The following ZNF502 variants were observed in gnomAD, a reference collection of about 807,000 sequenced individuals.
ZNF502 encodes zinc finger protein 502.
ZNF502 carries 29 observed loss-of-function variants against 43.6 expected under a neutral mutation model. The observed-to-expected ratio is 0.67, with a 90% CI of 0.50 to 0.91. The LOEUF is 0.91. Ranked by LOEUF, ZNF502 falls within the 40% of genes least tolerant of loss-of-function variation. The pLI is 0.00. For synonymous variants in ZNF502, 171 were observed against 207.4 expected (o/e 0.82, Z 1.51); for missense variants, 591 against 647.2 (o/e 0.91, Z 0.94).
chr3:44,720,552 A>C (rs1388769260), intron 2 of ZNF502, among the ~76,000 whole-genome samples: 2 of 152,150 alleles, frequency 1.3e-5, no homozygotes, highest in African/African-American at 4.8e-5. Flanking sequence ...TCTGGATACA[A>C]ACCATTCATG....
rs147202860 is a variant in ZNF502 at position 44,722,330 on chromosome 3, C to T, written c.1513C>T (p.His505Tyr). ...TGAGAAAACCTTCCGCAAGTATGCA[C>T]ACCTTAGTGAACATTACAGAATTCA... ...ECEKTFRKYA[H>Y]LSEHYRIHTG... The change falls in exon 3 of 3, where the codon CAC becomes TAC. Residue 505 changes from histidine to tyrosine, a missense_variant. Coordinates refer to ENST00000436624, the MANE Select transcript of ZNF502 (RefSeq NM_001134442.3). The T allele has an allele frequency of 7.1e-4, 1,144 of 1,614,140 alleles. 1 individual carries two copies. The highest frequency in any genetic ancestry group is 1.3e-3 in the Admixed American group (76 of 60,014).
chr3:44,721,730 C>T lies in ZNF502; in HGVS notation c.913C>T (p.Arg305Ter), dbSNP rs561539227. 1.4e-5 allele frequency: 22 copies of T among 1,611,540 alleles called. No individual in the cohort carries two copies. Among genetic ancestry groups the T allele is most frequent in the South Asian group, 2.2e-5 (2 of 90,920 alleles). ...ATGCAGTGAATGTGGCTCTTCTTTT[C>T]GAAAACACTCAAATCTTACGCAACA... is the stretch of plus-strand genomic sequence containing the variant. ...YICSECGSSF[R>*]KHSNLTQHQR... The change falls in exon 3 of 3, where the codon CGA becomes TGA. Residue 305 changes from arginine (R) to a stop codon, truncating the protein, a stop_gained. Coordinates refer to ENST00000436624, the MANE Select transcript of ZNF502 (RefSeq NM_001134442.3). LOFTEE classifies it high-confidence loss of function.
In ZNF502 at chr3:44,723,489, G is replaced by A. The variant is rs541702533; in HGVS notation, c.*1037G>A. On this transcript the variant is annotated 3_prime_UTR_variant, in exon 3 of 3. Coordinates refer to ENST00000436624, the MANE Select transcript of ZNF502 (RefSeq NM_001134442.3). ...TTAGGAGAAAGCATTAGTAATGAAA[G>A]AAGAAAGAATTTTCACTTGGTTGGA... is the stretch of plus-strand genomic sequence containing the variant. The A allele has an allele frequency of 2.8e-5, 4 of 140,404 alleles. No individual in the cohort carries two copies. The South Asian group carries it at 9.7e-4, about 34-fold the overall frequency. The allele number at this position is 140,404 out of a possible 1,614,324, so 8.7% of individuals were successfully genotyped here.
chr3:44,718,714 G>T (rs941749644), intron 1 of ZNF502, among the ~76,000 whole-genome samples: 11 of 152,086 alleles, frequency 7.2e-5, no homozygotes, highest in Admixed American at 6.5e-4. Context: ...TTTACATTCT[G>T]TAGCACCCCA....
intron 1 of ZNF502, chr3:44,714,626 T>C (rs1704099264): frequency 6.6e-6 from 1 of 152,240 alleles, no homozygotes; most frequent in Admixed American, 6.5e-5. Context: ...GACAAACTGC[T>C]GACAGCTCAG....
chr3:44,714,347 A>G (rs1341785875), intron 1 of ZNF502, among the ~76,000 whole-genome samples: 1 of 152,240 alleles, frequency 6.6e-6, no homozygotes, highest in Non-Finnish European at 1.5e-5. Context: ...AGGCATTTGT[A>G]GAAGCACCTG....
intron 2 of ZNF502, among the ~76,000 whole-genome samples, chr3:44,720,530 C>T (rs1704285837): frequency 6.6e-6 from 1 of 152,174 alleles, no homozygotes; most frequent in Non-Finnish European, 1.5e-5. Flanking sequence ...TTTACATTCT[C>T]CCACTCTCCA....
chr3:44,713,736 A>C (rs999457624), intron 1 of ZNF502, among the ~76,000 whole-genome samples: 2 of 152,006 alleles, frequency 1.3e-5, no homozygotes, highest in African/African-American at 2.4e-5. Flanking sequence ...ATGCGCCACC[A>C]CACCTGGCTA....
rs1206937075 is a variant in ZNF502 at position 44,712,678 on chromosome 3, C to T, written c.-122C>T. 5 of 152,326 alleles carry T rather than the reference C, an allele frequency of 3.3e-5. No homozygotes were observed. Among genetic ancestry groups the T allele is most frequent in the Non-Finnish European group, 7.3e-5 (5 of 68,120 alleles). The allele number at this position is 152,326 out of a possible 1,614,324, so 9.4% of individuals were successfully genotyped here. On this transcript the variant is annotated 5_prime_UTR_variant, in exon 1 of 3. Coordinates refer to ENST00000436624, the MANE Select transcript of ZNF502 (RefSeq NM_001134442.3). ...CGGTTTCAGAAGTTAAGGCTGGTGT[C>T]CTGGCCCCAGTCCACCTCTGGGAGC...
At chr3:44,720,147 G>A in intron 1 of ZNF502, 56 bp from the exon 2 acceptor site, 1 of 1,116,632 alleles carries the variant, frequency 9.0e-7, no homozygotes, top group Admixed American at 1.7e-5. Context: ...TTTTCGTTCT[G>A]TTTACTGGGA....
rs779447567 is a variant in ZNF502, at chr3:44,721,239, ACCAAAGTAAATGT to A, written c.427_439del (p.Ser143LeufsTer62). Reference sequence around the variant, plus strand: ...AATATACAAACCAATGATATTTCAGACCAAAGTAAATGTCCAACTCTCTGCACACAGAAAAAAT... The same window carrying A: ...AATATACAAACCAATGATATTTCAGACCAACTCTCTGCACACAGAAAAAAT... On this transcript the variant is annotated frameshift_variant, in exon 3 of 3. Coordinates refer to ENST00000436624, the MANE Select transcript of ZNF502 (RefSeq NM_001134442.3). LOFTEE classifies it high-confidence loss of function. 6.2e-7 allele frequency: 1 copy of A among 1,614,170 alleles called. No individual in the cohort carries two copies. The highest frequency in any genetic ancestry group is 1.3e-5 in the African/African-American group (1 of 75,060).
Position 44,720,253 on chromosome 3 carries a change from G to T in ZNF502, c.-9G>T. The T allele has an allele frequency of 6.2e-7, 1 of 1,614,064 alleles. No homozygotes were observed. The highest frequency in any genetic ancestry group is 8.5e-7 in the Non-Finnish European group (1 of 1,179,978). On this transcript the variant is annotated 5_prime_UTR_variant, in exon 2 of 3. Coordinates refer to ENST00000436624, the MANE Select transcript of ZNF502 (RefSeq NM_001134442.3). ...TGTTTTCCAATCAAAGCGAAGAGAC[G>T]ATCTGTGGATGTTGAATATGCAAGG...
rs746858486 is a variant in ZNF502 at position 44,720,290 on chromosome 3, G to A, written c.29G>A (p.Arg10Lys). 1 of 1,614,046 alleles carries A rather than the reference G, an allele frequency of 6.2e-7. No homozygotes were observed. Among genetic ancestry groups the A allele is most frequent in the African/African-American group, 1.3e-5 (1 of 74,922 alleles). The change falls in exon 2 of 3, where the codon AGA (arginine) becomes AAA (lysine). Residue 10 changes from arginine to lysine, a missense_variant. Arg to Lys is a conservative substitution (Grantham distance 26). Coordinates refer to ENST00000436624, the MANE Select transcript of ZNF502 (RefSeq NM_001134442.3). ...TTGAATATGCAAGGAGCTGAAGAGAGAGACATTAGAAGAGAGACTTGTCCA... is the reference window on the plus strand; with the variant it reads ...TTGAATATGCAAGGAGCTGAAGAGAAAGACATTAGAAGAGAGACTTGTCCA... The part of the protein sequence containing the change: MLNMQGAEE[R>K]DIRRETCPGW...
In ZNF502 at chr3:44,721,175, G is replaced by T; in HGVS notation, c.358G>T (p.Val120Phe). Residue 120 changes from valine to phenylalanine, a missense_variant, in exon 3 of 3, where the codon GTT (valine) becomes TTT (phenylalanine). Val to Phe is a conservative substitution (Grantham distance 50). Transcript: ENST00000436624. ...CTCAAGCCTTGTTACACGTCTCAGG[G>T]TTTCTACAGAAGAGAGTCTGCATCA... ...LTSSLVTRLR[V>F]STEESLHQWE... The T allele has an allele frequency of 6.2e-7, 1 of 1,614,094 alleles. No individual in the cohort carries two copies.
In ZNF502 at chr3:44,720,898, T is replaced by C; in HGVS notation, c.81T>C (p.Ala27=). 1 of 1,613,422 alleles carries C rather than the reference T, an allele frequency of 6.2e-7. No individual in the cohort carries two copies. ...CPGWVNKNKP[A]LEQDVCKIDS... is the part of the protein sequence containing the mutation. ...GCTGGGTAAACAAGAACAAGCCTGC[T>C]CTGGAGCAGGATGTCTGTAAAATTG... The change falls in exon 3 of 3, where the codon GCT becomes GCC. Residue 27 remains alanine (A), a synonymous_variant. Transcript: ENST00000436624.
chr3:44,721,577 C>T lies in ZNF502; in HGVS notation c.760C>T (p.Leu254Phe). The change falls in exon 3 of 3, where the codon CTC (leucine) becomes TTC (phenylalanine). Residue 254 changes from leucine (L) to phenylalanine (F), a missense_variant. Transcript: ENST00000436624. ...CGNSFRNHSH[L>F]TEHQRIHTGE... is the part of the protein sequence containing the mutation. ...GAATTCCTTCCGCAATCACTCACAT[C>T]TCACTGAACACCAGAGAATTCACAC... 6.2e-7 allele frequency: 1 copy of T among 1,607,652 alleles called. No individual in the cohort carries two copies. The highest frequency in any genetic ancestry group is 8.5e-7 in the Non-Finnish European group (1 of 1,176,098).
Position 44,722,029 on chromosome 3 carries a change from G to A in ZNF502, c.1212G>A (p.Glu404=), listed in dbSNP as rs901879748. The change falls in exon 3 of 3, where the codon GAG becomes GAA. Residue 404 remains glutamate, a synonymous_variant. Transcript: ENST00000436624. ...AACATCAGAGAATACATACAGGGGAGAGACCCTACAAATGCAGTGAATGTG... is the reference window on the plus strand; with the variant it reads ...AACATCAGAGAATACATACAGGGGAAAGACCCTACAAATGCAGTGAATGTG... ...LTKHQRIHTG[E]RPYKCSECGK... is the part of the protein sequence containing the mutation. The A allele has an allele frequency of 1.9e-6, 3 of 1,614,186 alleles. No individual in the cohort carries two copies. Among genetic ancestry groups the A allele is most frequent in the Non-Finnish European group, 2.5e-6 (3 of 1,180,024 alleles).
At chr3:44,712,841 C>T (rs1255112013) in intron 1 of ZNF502, 101 bp downstream of exon 1, 5 of 152,348 alleles carry the variant, frequency 3.3e-5, no homozygotes, top group African/African-American at 1.2e-4. Context: ...GCCCCGGCCT[C>T]GGTCCTCTCC....
chr3:44,721,306 C>G lies in ZNF502; in HGVS notation c.489C>G (p.Thr163=). 3.1e-6 allele frequency: 5 copies of G among 1,614,100 alleles called. No homozygotes were observed. Among genetic ancestry groups the G allele is most frequent in the Non-Finnish European group, 4.2e-6 (5 of 1,179,984 alleles). ...GGAAATGTAATGAATGTGGAAAAAC[C>G]TTTACTCAGAGCTCATCCCTTACCC... ...KSWKCNECGK[T]FTQSSSLTQH... Residue 163 remains threonine, a synonymous_variant, in exon 3 of 3, where the codon ACC becomes ACG. Transcript: ENST00000436624.
Sources: gnomAD v4.1 joint callset for allele counts (sites outside exome capture counted in the v4.1 genomes callset) on GRCh38, gnomAD v4.1.1 for gene constraint, MANE v1.5 for transcripts, NCBI Gene and HGNC (gene_info 2026-07-23, HGNC 2026-07-21) for gene names.